BCO2: variants seen among roughly 807,000 people sequenced by gnomAD.
BCO2 encodes the protein carotenoid-cleaving dioxygenase, mitochondrial.
A neutral mutation model predicts 65.8 loss-of-function variants in BCO2; 56 were observed. The ratio of observed to expected loss-of-function variants is 0.85; its 90% CI spans 0.69 to 1.06. The LOEUF (loss-of-function observed/expected upper bound fraction) is 1.06, where lower values mean the gene tolerates loss of function less well. Ranked by LOEUF, BCO2 falls within the 50% of genes least tolerant of loss-of-function variation. The pLI, the probability that BCO2 is intolerant of heterozygous loss-of-function variation, is 0.00. For synonymous variants in BCO2, 233 were observed against 242.3 expected, an observed-to-expected ratio of 0.96 and a Z score of 0.36; for missense variants, 675 against 698.5, an observed-to-expected ratio of 0.97 and a Z score of 0.38.
chr11:112,186,799 C>T (rs1253305136), intron 2 of BCO2, among the ~76,000 whole-genome samples: 2 of 152,060 alleles, frequency 1.3e-5, no homozygotes, highest in East Asian at 3.9e-4. Flanking sequence ...CAAGGCTAGC[C>T]TGGGCAACAT....
intron 9 of BCO2, 41 bp from the exon 10 acceptor site, chr11:112,214,721 A>T: frequency 6.4e-7 from 1 of 1,561,752 alleles, no homozygotes; most frequent in South Asian, 1.1e-5. Flanking sequence ...GGAAAATAAG[A>T]ATTAAGCAAC....
chr11:112,204,372 G>A (rs1455661737), intron 8 of BCO2, among the ~76,000 whole-genome samples: 1 of 152,162 alleles, frequency 6.6e-6, no homozygotes, highest in African/African-American at 2.4e-5. Context: ...ATGAACGTAA[G>A]AATGCAGCTA....
intron 3 of BCO2, 65 bp from the exon 4 acceptor site, chr11:112,193,814 A>G: frequency 6.8e-7 from 1 of 1,465,154 alleles, no homozygotes; most frequent in Non-Finnish European, 9.6e-7. Context: ...TCTCCCTTTG[A>G]GTGTGTGCTT....
intron 4 of BCO2, chr11:112,194,376 T>C (rs777480155): frequency 7.0e-6 from 3 of 430,946 alleles, no homozygotes; most frequent in Non-Finnish European, 1.2e-5. Flanking sequence ...ATTTTTAATT[T>C]TAATTCTTAT....
chr11:112,201,161 T>C (rs1441523158), intron 7 of BCO2, among the ~76,000 whole-genome samples: 1 of 152,114 alleles, frequency 6.6e-6, no homozygotes, highest in African/African-American at 2.4e-5. Context: ...TTTGAGATTT[T>C]TTTTTTAGAT....
In BCO2 at chr11:112,213,950, A is replaced by T. The variant is rs1165536362; in HGVS notation, c.1332+89A>T. 8 of 1,104,100 alleles carry T rather than the reference A, an allele frequency of 7.2e-6. 2 individuals are homozygous for T. In the African/African-American group the frequency reaches 1.2e-4, roughly 17 times the overall value. The allele number at this position is 1,104,100 out of a possible 1,614,324, so 68.4% of individuals were successfully genotyped here. On this transcript the variant is annotated intron_variant, in intron 9 of 11. Coordinates refer to ENST00000357685, the MANE Select transcript of BCO2 (RefSeq NM_031938.7). ...CTGTTTTCCAAAATGTCTGGTACCC[A>T]ATAACTTTTATAACATTCATCCGAG...
At chr11:112,186,818 T>C (rs1223407287) in intron 2 of BCO2, among the ~76,000 whole-genome samples, 1 of 152,082 alleles carries the variant, frequency 6.6e-6, no homozygotes, top group Non-Finnish European at 1.5e-5. Context: ...ATAGCAAGAC[T>C]CCATCTCTAC....
rs113101008 is a variant in BCO2 at position 112,182,845 on chromosome 11, A to G, written c.293+3363A>G. The G allele has an allele frequency of 4.5e-3, 3,783 of 848,212 alleles. 49 individuals are homozygous for G. The highest frequency in any genetic ancestry group is 7.6e-3 in the Admixed American group (347 of 45,500). 52.5% of individuals were successfully genotyped at this position (848,212 alleles called of 1,614,324 possible). ...GGTGCACATGTACCCTAGAACTTAT[A>G]TATATATAAAAAGATGCTCTGTTCT... On this transcript the variant is annotated intron_variant, in intron 2 of 11. Transcript: ENST00000357685.
intron 2 of BCO2, among the ~76,000 whole-genome samples, chr11:112,193,248 G>A (rs959139308): frequency 6.6e-6 from 1 of 151,916 alleles, no homozygotes; most frequent in Non-Finnish European, 1.5e-5. Flanking sequence ...AAAGTGCTGG[G>A]ATTACAGGCG....
intron 2 of BCO2, among the ~76,000 whole-genome samples, chr11:112,185,327 A>G (rs2135355031): frequency 6.6e-6 from 1 of 152,358 alleles, no homozygotes; most frequent in Non-Finnish European, 1.5e-5. Flanking sequence ...AAGTGTTGAA[A>G]AAAATGAAAA....
At chr11:112,205,560 T>C (rs961829793) in intron 8 of BCO2, among the ~76,000 whole-genome samples, 8 of 152,248 alleles carry the variant, frequency 5.3e-5, no homozygotes, top group Non-Finnish European at 8.8e-5. Flanking sequence ...GAACACGTGA[T>C]CCTCCTGCCT....
chr11:112,217,706 A>G, intron 11 of BCO2, 55 bp from the exon 12 acceptor site: 1 of 1,337,130 alleles, frequency 7.5e-7, no homozygotes, highest in African/African-American at 1.5e-5. Context: ...TGGAGGAGAC[A>G]GGCAAATTTT....
intron 8 of BCO2, among the ~76,000 whole-genome samples, chr11:112,209,372 T>C (rs1859443408): frequency 6.6e-6 from 1 of 152,244 alleles, no homozygotes; most frequent in Admixed American, 6.5e-5. Context: ...AGACTGACTT[T>C]TTTCACTTAG....
In BCO2 at chr11:112,180,653, G is replaced by T. The variant is rs531585113; in HGVS notation, c.293+1171G>T. On this transcript the variant is annotated intron_variant, in intron 2 of 11. Coordinates refer to ENST00000357685, the MANE Select transcript of BCO2 (RefSeq NM_031938.7). ...TGTGGTGTGTCCCCAAGGGCAGAAA[G>T]GTGGCGAAGGGAGGCGAATCCAAGT... The T allele has an allele frequency of 3.0e-5, 21 of 691,240 alleles. 1 individual carries two copies. In the South Asian group the frequency reaches 3.4e-4, roughly 11 times the overall value. 42.8% of individuals were successfully genotyped at this position (691,240 alleles called of 1,614,324 possible).
At chr11:112,176,869 A>C (rs1023412959) in intron 1 of BCO2, among the ~76,000 whole-genome samples, 1 of 152,214 alleles carries the variant, frequency 6.6e-6, no homozygotes, top group Non-Finnish European at 1.5e-5. Context: ...AGCAGAATGC[A>C]GAGAGTAGTT....
intron 10 of BCO2, 79 bp downstream of exon 10, chr11:112,215,023 G>C (rs1361504455): frequency 7.3e-6 from 10 of 1,375,214 alleles, no homozygotes; most frequent in Non-Finnish European, 1.0e-5. Context: ...ATTTAAAGTA[G>C]CTCTTAAGAT....
At chr11:112,177,850 GCC>G (rs1196533316) in intron 1 of BCO2, among the ~76,000 whole-genome samples, 1 of 151,108 alleles carries the variant, frequency 6.6e-6, no homozygotes, top group African/African-American at 2.4e-5. Context: ...ACACTGTGCT[GCC>G]TCTTAAGGGA....
Position 112,200,639 on chromosome 11 carries a change from A to G in BCO2, c.892A>G (p.Ile298Val), listed in dbSNP as rs1458052358. 3.1e-6 allele frequency: 5 copies of G among 1,609,466 alleles called. No homozygotes were observed. Among genetic ancestry groups the G allele is most frequent in the East Asian group, 2.2e-5 (1 of 44,866 alleles). Residue 298 changes from isoleucine to valine, a missense_variant, in exon 7 of 12, where the codon ATT (isoleucine) becomes GTT (valine). Ile to Val is a conservative substitution (Grantham distance 29, BLOSUM62 3). Transcript: ENST00000357685. The stretch of plus-strand genomic sequence containing the variant: ...AATGACAAGGAACTATATAATTTTC[A>G]TTGAACAACCTCTAAAGATGAACCT... Reference protein sequence around the residue: ...FGMTRNYIIFIEQPLKMNLWK... With the variant: ...FGMTRNYIIFVEQPLKMNLWK...
intron 9 of BCO2, among the ~76,000 whole-genome samples, chr11:112,214,091 T>C (rs541778398): frequency 1.3e-5 from 2 of 152,266 alleles, no homozygotes; most frequent in East Asian, 3.9e-4. Flanking sequence ...TGTCTAATGG[T>C]TGTGGAATGT....
Sources: gnomAD v4.1 joint callset for allele counts (sites outside exome capture counted in the v4.1 genomes callset) on GRCh38, gnomAD v4.1.1 for gene constraint, MANE v1.5 for transcripts, NCBI Gene and HGNC (gene_info 2026-07-23, HGNC 2026-07-21) for gene names.